Variants in PCNT observed in about 807,000 individuals in gnomAD.
PCNT encodes the protein kendrin.
A neutral mutation model predicts 380.4 loss-of-function variants in PCNT; 319 were observed. That is an observed-to-expected ratio of 0.84 (90% CI 0.77 to 0.92). The LOEUF (loss-of-function observed/expected upper bound fraction) is 0.92, where lower values mean the gene tolerates loss of function less well. Ranked by LOEUF, PCNT falls within the 40% of genes least tolerant of loss-of-function variation. The pLI, the probability that PCNT is intolerant of heterozygous loss-of-function variation, is 0.00. For missense variants in PCNT, 4,400 were observed against 4,255.3 expected (o/e 1.03, Z -0.95); for synonymous variants, 1,845 against 1,735.2 (o/e 1.06, Z -1.57).
chr21:46,412,728 C>T (rs1200239064), intron 28 of PCNT, 109 bp from the exon 29 acceptor site: 2 of 1,160,656 alleles, frequency 1.7e-6, no homozygotes, highest in Non-Finnish European at 1.3e-6. Context: ...CCACCTCCCT[C>T]TGGCATCCCT....
chr21:46,324,352 C>A, intron 1 of PCNT, 70 bp downstream of exon 1: 1 of 1,268,432 alleles, frequency 7.9e-7, no homozygotes, highest in Non-Finnish European at 1.1e-6. Flanking sequence ...GTGCCCGCCA[C>A]CGCCCCCTGC....
intron 31 of PCNT, among the ~76,000 whole-genome samples, chr21:46,421,597 G>A (rs994337594): frequency 6.6e-5 from 10 of 152,220 alleles, no homozygotes; most frequent in African/African-American, 1.7e-4. Flanking sequence ...CGTGGCTGGC[G>A]TGGAGGGTGC....
chr21:46,444,034 C>T, intron 45 of PCNT, 86 bp downstream of exon 45: 1 of 1,428,538 alleles, frequency 7.0e-7, no homozygotes, highest in Non-Finnish European at 9.5e-7. Flanking sequence ...ATTTTTAGTT[C>T]TGGCTTTGGC....
rs761885630 is a variant in PCNT, at chr21:46,431,748, C to G, written c.8284C>G (p.Arg2762Gly). Residue 2762 changes from arginine (R) to glycine (G), a missense_variant, in exon 38 of 47, where the codon CGG (arginine) becomes GGG (glycine). By Grantham distance (125) the Arg-to-Gly change is moderately radical. Transcript: ENST00000359568. ...CACCCTGGAGCTGTCAGAGGCCTTG[C>G]GGCACGAGCGGCTCCTGACCGAGCA... is the stretch of plus-strand genomic sequence containing the variant. ...SRTLELSEAL[R>G]HERLLTEQLS... The G allele has an allele frequency of 1.9e-6, 3 of 1,612,118 alleles. No homozygotes were observed. Among genetic ancestry groups the G allele is most frequent in the East Asian group, 2.2e-5 (1 of 44,840 alleles).
chr21:46,342,585 G>A (rs1160740381), intron 3 of PCNT, among the ~76,000 whole-genome samples: 1 of 149,992 alleles, frequency 6.7e-6, no homozygotes, highest in East Asian at 1.9e-4. Flanking sequence ...TTGTTGCCCA[G>A]GCTGGAATGC....
chr21:46,434,609 C>A (rs1032943458), intron 38 of PCNT, among the ~76,000 whole-genome samples: 2 of 152,228 alleles, frequency 1.3e-5, no homozygotes, highest in Non-Finnish European at 2.9e-5. Context: ...TGGTGGGAGT[C>A]GGGCCCTGGG....
chr21:46,422,594 T>C (rs2087301244), intron 32 of PCNT, among the ~76,000 whole-genome samples: 1 of 152,240 alleles, frequency 6.6e-6, no homozygotes, highest in Non-Finnish European at 1.5e-5. Flanking sequence ...TTTTCTTTCC[T>C]CTCCCAGTTT....
At chr21:46,380,493 T>A (rs533934965) in intron 15 of PCNT, among the ~76,000 whole-genome samples, 1 of 151,608 alleles carries the variant, frequency 6.6e-6, no homozygotes, top group East Asian at 1.9e-4. Flanking sequence ...CCGAGAGCTC[T>A]GACCCAGTCA....
chr21:46,333,328 A>C (rs977797507), intron 2 of PCNT, among the ~76,000 whole-genome samples: 3 of 148,844 alleles, frequency 2.0e-5, no homozygotes, highest in African/African-American at 7.5e-5. Flanking sequence ...GCTACTCAGG[A>C]GGCTGAGGCA....
chr21:46,378,344 A>G (rs1483287912), intron 15 of PCNT, among the ~76,000 whole-genome samples: 1 of 151,760 alleles, frequency 6.6e-6, no homozygotes, highest in Non-Finnish European at 1.5e-5. Flanking sequence ...GAAAGGCATC[A>G]CTCTATGGTG....
intron 15 of PCNT, among the ~76,000 whole-genome samples, chr21:46,369,900 G>A (rs1236100625): frequency 6.6e-6 from 1 of 152,226 alleles, no homozygotes; most frequent in Non-Finnish European, 1.5e-5. Flanking sequence ...ACTCAGAGAT[G>A]TACGCTGCCA....
At chr21:46,346,263 G>A in intron 4 of PCNT, 55 bp downstream of exon 4, 4 of 1,037,722 alleles carry the variant, frequency 3.9e-6, no homozygotes, top group Non-Finnish European at 6.0e-6. Flanking sequence ...ATCCCCACAG[G>A]GCACAGTGGG....
At chr21:46,405,292 A>C (rs1484519685) in intron 27 of PCNT, among the ~76,000 whole-genome samples, 1 of 152,224 alleles carries the variant, frequency 6.6e-6, no homozygotes, top group African/African-American at 2.4e-5. Context: ...CCAGTTTGTC[A>C]CTTTTAATTT....
chr21:46,356,773 G>A (rs2084494719), intron 12 of PCNT, among the ~76,000 whole-genome samples: 1 of 152,246 alleles, frequency 6.6e-6, no homozygotes, highest in African/African-American at 2.4e-5. Flanking sequence ...CTGTGCTGGG[G>A]CAGCATGGAG....
In PCNT at chr21:46,431,526, T is replaced by C; in HGVS notation, c.8065-3T>C. The C allele has an allele frequency of 6.2e-7, 1 of 1,614,014 alleles. No individual in the cohort carries two copies. The highest frequency in any genetic ancestry group is 8.5e-7 in the Non-Finnish European group (1 of 1,179,944). On this transcript the variant is annotated splice_polypyrimidine_tract_variant and splice_region_variant and intron_variant, in intron 37 of 46. Transcript: ENST00000359568. ...TCTCCCATCGTATGTGTTTGCTGTC[T>C]AGGAGCTGCGGGCGTCTTTGGAGAC...
intron 3 of PCNT, among the ~76,000 whole-genome samples, chr21:46,345,467 C>T (rs1181598010): frequency 6.6e-6 from 1 of 152,182 alleles, no homozygotes; most frequent in East Asian, 1.9e-4. Flanking sequence ...ATCTGCCTGC[C>T]TCGGCCTCCC....
At chr21:46,430,795 G>C in intron 37 of PCNT, 138 bp downstream of exon 37, 1 of 1,520,188 alleles carries the variant, frequency 6.6e-7, no homozygotes. Context: ...TAGCAGGATA[G>C]GGCTGTGTTT....
intron 20 of PCNT, 104 bp downstream of exon 20, chr21:46,390,936 T>G (rs1382010934): frequency 2.4e-5 from 34 of 1,402,234 alleles, no homozygotes; most frequent in Non-Finnish European, 3.3e-5. Flanking sequence ...TAAAGTGAAA[T>G]GTAAAAACAA....
At chr21:46,325,283 CAG>C (rs998580963) in intron 1 of PCNT, 26 of 854,012 alleles carry the variant, frequency 3.0e-5, no homozygotes, top group Admixed American at 6.2e-5. Context: ...GCACGGCGGA[CAG>C]GGGACGCGGG....
Sources: gnomAD v4.1 joint callset for allele counts (sites outside exome capture counted in the v4.1 genomes callset) on GRCh38, gnomAD v4.1.1 for gene constraint, MANE v1.5 for transcripts, NCBI Gene and HGNC (gene_info 2026-07-23, HGNC 2026-07-21) for gene names.